SLC4A10: variants seen among roughly 807,000 people sequenced by gnomAD.
SLC4A10 encodes solute carrier family 4 member 10.
SLC4A10 carries 42 observed loss-of-function variants against 137.7 expected under a neutral mutation model. That is an observed-to-expected ratio of 0.30 (90% CI 0.24 to 0.39). The LOEUF is 0.39. Ranked by LOEUF, SLC4A10 falls within the 10% of genes least tolerant of loss-of-function variation. The pLI is 1.00. For missense variants in SLC4A10, 925 were observed against 1,355.0 expected (o/e 0.68, Z 4.98); for synonymous variants, 474 against 464.1 (o/e 1.02, Z -0.27).
intron 1 of SLC4A10, among the ~76,000 whole-genome samples, chr2:161,759,715 C>T (rs2050042039): frequency 6.6e-6 from 1 of 151,762 alleles, no homozygotes; most frequent in South Asian, 2.1e-4. Flanking sequence ...AAAAATTTTG[C>T]TATTGAGTTG....
chr2:161,840,862 T>C (rs1407373029), intron 4 of SLC4A10, among the ~76,000 whole-genome samples: 6 of 152,128 alleles, frequency 3.9e-5, no homozygotes, highest in Non-Finnish European at 8.8e-5. Flanking sequence ...TGTAAAATGT[T>C]TTGGGTTTGA....
At chr2:161,670,461 G>C (rs12467042) in intron 1 of SLC4A10, among the ~76,000 whole-genome samples, 1 of 151,818 alleles carries the variant, frequency 6.6e-6, no homozygotes, top group Non-Finnish European at 1.5e-5. Context: ...TGAGGCAAGG[G>C]TATTAGAATT....
At chr2:161,756,532 C>T (rs2049670249) in intron 1 of SLC4A10, among the ~76,000 whole-genome samples, 1 of 152,162 alleles carries the variant, frequency 6.6e-6, no homozygotes, top group African/African-American at 2.4e-5. Context: ...CGATTATGGA[C>T]TTCTGTTCCA....
At chr2:161,854,038 T>G (rs79582547) in intron 4 of SLC4A10, among the ~76,000 whole-genome samples, 3,292 of 152,208 alleles carry the variant, frequency 0.022, 110 homozygotes, top group African/African-American at 0.075. Flanking sequence ...ATATAGAGGA[T>G]TTGAATGATA....
At chr2:161,821,875 C>A (rs1308288481) in intron 3 of SLC4A10, among the ~76,000 whole-genome samples, 1 of 152,062 alleles carries the variant, frequency 6.6e-6, no homozygotes, top group African/African-American at 2.4e-5. Flanking sequence ...AAAATCATTT[C>A]TATTTTAAAG....
intron 3 of SLC4A10, among the ~76,000 whole-genome samples, chr2:161,813,324 A>G (rs2056736015): frequency 6.6e-6 from 1 of 152,106 alleles, no homozygotes; most frequent in South Asian, 2.1e-4. Context: ...TTCCAACAGT[A>G]TGTATAATAA....
intron 1 of SLC4A10, among the ~76,000 whole-genome samples, chr2:161,686,410 A>G (rs1458151065): frequency 6.6e-6 from 1 of 152,202 alleles, no homozygotes; most frequent in Non-Finnish European, 1.5e-5. Flanking sequence ...ATTGATTATA[A>G]CTAGTATTGA....
chr2:161,751,097 T>C (rs2048915237), intron 1 of SLC4A10, among the ~76,000 whole-genome samples: 1 of 151,834 alleles, frequency 6.6e-6, no homozygotes, highest in South Asian at 2.1e-4. Context: ...TTTCCACTTA[T>C]ACATGTCCTT....
intron 15 of SLC4A10, among the ~76,000 whole-genome samples, chr2:161,941,453 A>G (rs970909592): frequency 1.3e-5 from 2 of 152,156 alleles, no homozygotes; most frequent in Admixed American, 1.3e-4. Flanking sequence ...ATGAAGGGGC[A>G]CACGTGTAGT....
intron 15 of SLC4A10, among the ~76,000 whole-genome samples, chr2:161,918,607 A>G (rs1559532485): frequency 6.6e-6 from 1 of 152,194 alleles, no homozygotes; most frequent in East Asian, 1.9e-4. Context: ...ATAAAAATTC[A>G]CCACTTATGG....
chr2:161,687,792 GTGTC>G (rs1342464378), intron 1 of SLC4A10, among the ~76,000 whole-genome samples: 1 of 152,142 alleles, frequency 6.6e-6, no homozygotes, highest in African/African-American at 2.4e-5. Flanking sequence ...GATTTTACAA[GTGTC>G]TGGCATTTCC....
rs764835321 is a variant in SLC4A10 at position 161,894,681 on chromosome 2, A to G, written c.1197A>G (p.Val399=). The change falls in exon 11 of 27, where the codon GTA becomes GTG. Residue 399 remains valine (V), a splice_region_variant and synonymous_variant. Transcript: ENST00000446997. ...TAATATTTCTATTTCTTCTAAAGGT[A>G]TTTCATGATGTTGCCTATAAAGCTA... is the stretch of plus-strand genomic sequence containing the variant. ...RSIATLMTDE[V]FHDVAYKAKD... 8 of 1,382,832 alleles carry G rather than the reference A, an allele frequency of 5.8e-6. No homozygotes were observed. The highest frequency in any genetic ancestry group is 1.5e-5 in the African/African-American group (1 of 67,382). The allele number at this position is 1,382,832 out of a possible 1,614,324, so 85.7% of individuals were successfully genotyped here. A position where few individuals can be genotyped will look rare whatever the true frequency, so the allele number is the denominator to read the frequency against.
At chr2:161,812,140 A>G (rs1227912015) in intron 3 of SLC4A10, among the ~76,000 whole-genome samples, 2 of 152,020 alleles carry the variant, frequency 1.3e-5, no homozygotes, top group African/African-American at 4.8e-5. Flanking sequence ...TTAATCCTGA[A>G]TGTTTATAGA....
chr2:161,716,323 C>A (rs1488667893), intron 1 of SLC4A10, among the ~76,000 whole-genome samples: 1 of 151,826 alleles, frequency 6.6e-6, no homozygotes, highest in Non-Finnish European at 1.5e-5. Context: ...TGCAGAAGTT[C>A]TTTAGTTTAA....
chr2:161,705,747 G>A (rs1391773879), intron 1 of SLC4A10, among the ~76,000 whole-genome samples: 2 of 151,534 alleles, frequency 1.3e-5, no homozygotes, highest in East Asian at 3.9e-4. Flanking sequence ...CTTGGGAGCT[G>A]TGAGAAATAA....
intron 16 of SLC4A10, among the ~76,000 whole-genome samples, chr2:161,946,814 A>T (rs911744369): frequency 6.6e-6 from 1 of 152,082 alleles, no homozygotes; most frequent in Non-Finnish European, 1.5e-5. Context: ...GAGAAGTCAT[A>T]GTAAATATGA....
chr2:161,863,046 T>C lies in SLC4A10; in HGVS notation c.750T>C (p.Asn250=), dbSNP rs2060522683. The C allele has an allele frequency of 6.2e-7, 1 of 1,613,752 alleles. No individual in the cohort carries two copies. Among genetic ancestry groups the C allele is most frequent in the Non-Finnish European group, 8.5e-7 (1 of 1,179,810 alleles). Residue 250 remains asparagine, a synonymous_variant, in exon 6 of 27, where the codon AAT becomes AAC. Coordinates refer to ENST00000446997, the MANE Select transcript of SLC4A10 (RefSeq NM_001178015.2). ...TTGGCAAGAAACAGTCAGAACCAAATTCCATGGACAAAAATGGTAAATGTT... is the reference window on the plus strand; with the variant it reads ...TTGGCAAGAAACAGTCAGAACCAAACTCCATGGACAAAAATGGTAAATGTT... The part of the protein sequence containing the change: ...ADIGKKQSEP[N]SMDKNAGQVV...
chr2:161,731,739 G>A (rs969262165), intron 1 of SLC4A10, among the ~76,000 whole-genome samples: 11 of 151,812 alleles, frequency 7.2e-5, no homozygotes, highest in Non-Finnish European at 1.6e-4. Flanking sequence ...GTTTTTTGAT[G>A]GGTTACAAGC....
intron 15 of SLC4A10, among the ~76,000 whole-genome samples, chr2:161,929,331 G>A (rs1463871979): frequency 2.0e-5 from 3 of 152,216 alleles, no homozygotes; most frequent in Non-Finnish European, 4.4e-5. Flanking sequence ...GTTAGGAACC[G>A]AGGCAGATCC....
Sources: gnomAD v4.1 joint callset for allele counts (sites outside exome capture counted in the v4.1 genomes callset) on GRCh38, gnomAD v4.1.1 for gene constraint, MANE v1.5 for transcripts, NCBI Gene and HGNC (gene_info 2026-07-23, HGNC 2026-07-21) for gene names.